UNC93A: variants seen among roughly 807,000 people sequenced by gnomAD.
UNC93A encodes the protein N-acetylglucosamine transporter UNC93A.
UNC93A carries 43 observed loss-of-function variants against 47.5 expected under a neutral mutation model. That is an observed-to-expected ratio of 0.91 (90% CI 0.71 to 1.17). The LOEUF is 1.17. Among genes scored for constraint, UNC93A ranks in the 50% most tolerant of loss-of-function variants. The probability of loss-of-function intolerance (pLI) is 0.00; values close to 1 mark genes in which losing one functional copy is unlikely to be tolerated. For missense variants in UNC93A, 605 were observed against 577.6 expected, an observed-to-expected ratio of 1.05 and a Z score of -0.49; for synonymous variants, 280 against 258.0, an observed-to-expected ratio of 1.09 and a Z score of -0.82.
At chr6:167,270,321 G>A (rs887084400), upstream of UNC93A, among the ~76,000 whole-genome samples, 8 of 152,124 alleles carry the variant, frequency 5.3e-5, no homozygotes, top group African/African-American at 1.7e-4. Flanking sequence ...TCAGCCAGGC[G>A]TCATAATCAC....
At chr6:167,299,916 G>A (rs1007289097) in intron 4 of UNC93A, among the ~76,000 whole-genome samples, 13 of 152,328 alleles carry the variant, frequency 8.5e-5, no homozygotes, top group South Asian at 6.2e-4. Context: ...CCATGCCAGC[G>A]TGACTTAGAG....
chr6:167,286,935 G>T (rs976497136), upstream of UNC93A, among the ~76,000 whole-genome samples: 1 of 141,132 alleles, frequency 7.1e-6, no homozygotes, highest in East Asian at 2.1e-4. Flanking sequence ...CCAAGATCGC[G>T]CCACTGCACT....
upstream of UNC93A, among the ~76,000 whole-genome samples, chr6:167,289,790 T>A (rs1043416403): frequency 3.3e-5 from 5 of 151,552 alleles, no homozygotes; most frequent in African/African-American, 4.9e-5. Flanking sequence ...AGGCCAGAAC[T>A]GAAGTAAACT....
At position 167,315,454 on chromosome 6, in the gene UNC93A, A is replaced by C. The variant is rs1258690069; in HGVS notation, c.*2A>C. 2 of 1,613,986 alleles carry C rather than the reference A, an allele frequency of 1.2e-6. No individual in the cohort carries two copies. Among genetic ancestry groups the C allele is most frequent in the East Asian group, 2.2e-5 (1 of 44,890 alleles). Reference sequence around the variant, plus strand: ...GAAGAAATACAAACAAAAATGTGAGAGCAGTGAGGTCCGAGGAGGATGAAC... The same window carrying C: ...GAAGAAATACAAACAAAAATGTGAGCGCAGTGAGGTCCGAGGAGGATGAAC... On this transcript the variant is annotated 3_prime_UTR_variant, in exon 8 of 8. Coordinates refer to ENST00000230256, the MANE Select transcript of UNC93A (RefSeq NM_018974.4).
At chr6:167,289,254 C>T (rs1286478367), upstream of UNC93A, among the ~76,000 whole-genome samples, 1 of 152,200 alleles carries the variant, frequency 6.6e-6, no homozygotes, top group African/African-American at 2.4e-5. Context: ...AAGAGTGTCC[C>T]TTTGTTTATG....
chr6:167,297,388 C>T (rs1173143393), intron 3 of UNC93A, among the ~76,000 whole-genome samples: 1 of 149,890 alleles, frequency 6.7e-6, no homozygotes, highest in Non-Finnish European at 1.5e-5. Context: ...AATATTCTTT[C>T]TCCCACCACA....
At chr6:167,288,449 T>TACACAC (rs10586281), upstream of UNC93A, among the ~76,000 whole-genome samples, 3,053 of 134,784 alleles carry the variant, frequency 0.023, 40 homozygotes, top group East Asian at 0.055. Flanking sequence ...TGTTCTTCCT[T>TACACAC]ACACACACAC....
chr6:167,285,280 C>T (rs1370350947), intron 1 of UNC93A, among the ~76,000 whole-genome samples: 4 of 151,986 alleles, frequency 2.6e-5, no homozygotes, highest in African/African-American at 7.2e-5. Flanking sequence ...ACACGTCTTC[C>T]CGTGTCTAAA....
intron 1 of UNC93A, among the ~76,000 whole-genome samples, chr6:167,280,427 C>T (rs1325186725): frequency 2.0e-5 from 3 of 152,160 alleles, no homozygotes; most frequent in Non-Finnish European, 4.4e-5. Context: ...CTCAATAGAA[C>T]CCTGTCTTTC....
upstream of UNC93A, among the ~76,000 whole-genome samples, chr6:167,287,192 T>G (rs1446601397): frequency 6.6e-6 from 1 of 152,062 alleles, no homozygotes; most frequent in African/African-American, 2.4e-5. Flanking sequence ...CTTCCTCCAC[T>G]GCTCGCTGCA....
chr6:167,269,262 C>T (rs960665269), upstream of UNC93A, among the ~76,000 whole-genome samples: 3 of 152,300 alleles, frequency 2.0e-5, no homozygotes, highest in African/African-American at 7.2e-5. Context: ...GAGGGAACCA[C>T]GGTGAGCGAC....
upstream of UNC93A, among the ~76,000 whole-genome samples, chr6:167,288,449 TACACACAC>T (rs10586281): frequency 0.14 from 18,803 of 134,706 alleles, 1,315 homozygotes; most frequent in East Asian, 0.19. Flanking sequence ...TGTTCTTCCT[TACACACAC>T]ACACACACAC....
intron 1 of UNC93A, among the ~76,000 whole-genome samples, chr6:167,280,013 G>A (rs1281077049): frequency 2.0e-5 from 3 of 152,204 alleles, no homozygotes; most frequent in Non-Finnish European, 4.4e-5. Context: ...TCTTAAGGAA[G>A]TCCATGAGCA....
chr6:167,273,250 T>A (rs1332088258), intron 1 of UNC93A, among the ~76,000 whole-genome samples: 1 of 151,902 alleles, frequency 6.6e-6, no homozygotes, highest in Non-Finnish European at 1.5e-5. Context: ...TGACTGCTCA[T>A]CTTTTTGGGC....
In UNC93A at chr6:167,296,291, C is replaced by T. The variant is rs755714925; in HGVS notation, c.499+30C>T. ...AAGGAAAAGGGGCAAGCAATTGTCT[C>T]CAAGTGGAGCAGGGGTTTCAGTGAT... On this transcript the variant is annotated intron_variant, in intron 3 of 7. Transcript: ENST00000230256. 5.6e-6 allele frequency: 9 copies of T among 1,609,192 alleles called. No homozygotes were observed. In the South Asian group the frequency reaches 6.6e-5, roughly 12 times the overall value.
In UNC93A at chr6:167,296,250, C is replaced by A; in HGVS notation, c.488C>A (p.Thr163Asn). 4 of 1,614,204 alleles carry A rather than the reference C, an allele frequency of 2.5e-6. No individual in the cohort carries two copies. The highest frequency in any genetic ancestry group is 3.4e-6 in the Non-Finnish European group (4 of 1,180,030). The change falls in exon 3 of 8, where the codon ACT becomes AAT. Residue 163 changes from threonine to asparagine, a missense_variant. Transcript: ENST00000230256. ...ATCTCATCGCTGGTATTTGGCCAGA[C>A]TCCCAGCCAAGGTAAAAGGAAAAGG... ...NLISSLVFGQ[T>N]PSQETLPEEQ... is the part of the protein sequence containing the mutation.
rs541574144 is a variant in UNC93A, at chr6:167,307,374, G to C, written c.977-405G>C. Reference sequence around the variant, plus strand: ...AAAGACGACTTCCAGAGCATTAAGGGAACATTGAGCATGAAGCAAACATTG... The same window carrying C: ...AAAGACGACTTCCAGAGCATTAAGGCAACATTGAGCATGAAGCAAACATTG... On this transcript the variant is annotated intron_variant, in intron 6 of 7. Transcript: ENST00000230256. 9.8e-5 allele frequency among the ~76,000 whole-genome samples: 15 copies of C among 152,308 alleles called. No individual in the cohort carries two copies. In the East Asian group the frequency reaches 2.3e-3, roughly 24 times the overall value.
At chr6:167,301,880 T>G (rs1778249711) in intron 4 of UNC93A, among the ~76,000 whole-genome samples, 1 of 152,130 alleles carries the variant, frequency 6.6e-6, no homozygotes, top group African/African-American at 2.4e-5. Flanking sequence ...GTAAATACCC[T>G]ATGGCCTCCT....
rs766194801 is a variant in UNC93A at position 167,291,320 on chromosome 6, C to T, written c.-170C>T. 4.0e-5 allele frequency: 21 copies of T among 523,890 alleles called. No homozygotes were observed. Among genetic ancestry groups the T allele is most frequent in the African/African-American group, 7.8e-5 (4 of 51,266 alleles). The allele number at this position is 523,890 out of a possible 1,614,324, so 32.5% of individuals were successfully genotyped here. A position where few individuals can be genotyped will look rare whatever the true frequency, so the allele number is the denominator to read the frequency against. Reference sequence around the variant, plus strand: ...GGTCAGTGATAACCAAGTTCATTAACGAGTGACAGTCTTAATGACTAACAC... The same window carrying T: ...GGTCAGTGATAACCAAGTTCATTAATGAGTGACAGTCTTAATGACTAACAC... On this transcript the variant is annotated 5_prime_UTR_variant, in exon 1 of 8. The change creates a new upstream start codon in the 5' untranslated region. Coordinates refer to ENST00000230256, the MANE Select transcript of UNC93A (RefSeq NM_018974.4).
Sources: gnomAD v4.1 joint callset for allele counts (sites outside exome capture counted in the v4.1 genomes callset) on GRCh38, gnomAD v4.1.1 for gene constraint, MANE v1.5 for transcripts, NCBI Gene and HGNC (gene_info 2026-07-23, HGNC 2026-07-21) for gene names.